RAPGEF4: variants seen among roughly 807,000 people sequenced by gnomAD.
RAPGEF4 encodes the protein RAP guanine-nucleotide-exchange factor (GEF) 4.
RAPGEF4 carries 66 observed loss-of-function variants against 147.9 expected under a neutral mutation model. That is an observed-to-expected ratio of 0.45 (90% CI 0.37 to 0.55). The LOEUF (loss-of-function observed/expected upper bound fraction) is 0.55. Among genes scored for constraint, RAPGEF4 ranks in the 20% least tolerant of loss-of-function variants. The pLI is 0.00. For missense variants in RAPGEF4, 1,071 were observed against 1,257.3 expected (o/e 0.85, Z 2.24); for synonymous variants, 419 against 442.7 (o/e 0.95, Z 0.67).
chr2:173,040,449 G>A (rs550991301), intron 29 of RAPGEF4, among the ~76,000 whole-genome samples: 1 of 152,260 alleles, frequency 6.6e-6, no homozygotes, highest in East Asian at 1.9e-4. Context: ...GTCATCCATC[G>A]TCAAGGCCCA....
Position 172,922,287 on chromosome 2 carries a change from C to G in RAPGEF4, c.524C>G (p.Pro175Arg). Reference sequence around the variant, plus strand: ...TCTCTTTTTCCTCCTTTAGGGATTCCTGACAAGGAGAACGTGAGTAGCTAC... The same window carrying G: ...TCTCTTTTTCCTCCTTTAGGGATTCGTGACAAGGAGAACGTGAGTAGCTAC... ...METGSNNDRI[P>R]DKENTPLIEP... The change falls in exon 6 of 31, where the codon CCT becomes CGT. Residue 175 changes from proline (P) to arginine (R), a missense_variant. By Grantham distance (103) the Pro-to-Arg change is moderately radical. Transcript: ENST00000397081. 6.2e-7 allele frequency: 1 copy of G among 1,607,094 alleles called. No individual in the cohort carries two copies. The highest frequency in any genetic ancestry group is 8.5e-7 in the Non-Finnish European group (1 of 1,173,724).
At chr2:172,832,380 G>A (rs1322349152) in intron 4 of RAPGEF4, among the ~76,000 whole-genome samples, 3 of 152,140 alleles carry the variant, frequency 2.0e-5, no homozygotes, top group Non-Finnish European at 4.4e-5. Flanking sequence ...TACATAATTT[G>A]TGGGGCCCAG....
In RAPGEF4 at chr2:172,990,851, A is replaced by G. The variant is rs1692762379; in HGVS notation, c.1416A>G (p.Gln472=). The change falls in exon 15 of 31, where the codon CAA becomes CAG. Residue 472 remains glutamine, a synonymous_variant. Transcript: ENST00000397081. ...CAGTCAGACTTAAAGAACATGACCA[A>G]GATGTCTTGGTGCTGGAGAAGGTCC... The part of the protein sequence containing the change: ...ANTVRLKEHD[Q]DVLVLEKVPA... 15 of 1,613,990 alleles carry G rather than the reference A, an allele frequency of 9.3e-6. No homozygotes were observed. Among genetic ancestry groups the G allele is most frequent in the Non-Finnish European group, 1.3e-5 (15 of 1,179,990 alleles).
At chr2:172,875,786 A>G (rs1024033364) in intron 4 of RAPGEF4, among the ~76,000 whole-genome samples, 4 of 152,214 alleles carry the variant, frequency 2.6e-5, no homozygotes, top group Non-Finnish European at 5.9e-5. Context: ...GAAGAAAGTC[A>G]TTGATGTAGC....
chr2:172,869,778 T>A (rs1011622698), intron 4 of RAPGEF4, among the ~76,000 whole-genome samples: 11 of 152,194 alleles, frequency 7.2e-5, no homozygotes, highest in Non-Finnish European at 1.6e-4. Context: ...CACATACGCA[T>A]TTGGAGGGCA....
rs888664996 is a variant in RAPGEF4, at chr2:172,906,507, A to G, written c.445-11295A>G. ...GCCAAGGGGTTTCAGACATATCCCC[A>G]GGGAGCTTCTGATGCTTTCGCTACA... On this transcript the variant is annotated intron_variant, in intron 4 of 30. Coordinates refer to ENST00000397081, the MANE Select transcript of RAPGEF4 (RefSeq NM_007023.4). 5.3e-5 allele frequency among the ~76,000 whole-genome samples: 8 copies of G among 152,354 alleles called. No individual in the cohort carries two copies. In the Middle Eastern group the frequency reaches 0.014, roughly 261 times the overall value.
At chr2:172,872,267 T>C (rs1402345832) in intron 4 of RAPGEF4, among the ~76,000 whole-genome samples, 1 of 152,214 alleles carries the variant, frequency 6.6e-6, no homozygotes, top group Non-Finnish European at 1.5e-5. Flanking sequence ...CAGAGGCTTA[T>C]CTGTGACGAA....
chr2:172,780,758 C>T (rs1684608906), intron 1 of RAPGEF4, among the ~76,000 whole-genome samples: 2 of 152,006 alleles, frequency 1.3e-5, no homozygotes, highest in African/African-American at 4.8e-5. Context: ...TTATTTATAT[C>T]CACATATAAA....
rs561474055 is a variant in RAPGEF4, at chr2:172,939,860, C to T, written c.537+17560C>T. Among the ~76,000 whole-genome samples, 7 of 151,914 alleles carry T rather than the reference C, an allele frequency of 4.6e-5. No homozygotes were observed. In the East Asian group the frequency reaches 1.4e-3, roughly 29 times the overall value. On this transcript the variant is annotated intron_variant, in intron 6 of 30. Transcript: ENST00000397081. Reference sequence around the variant, plus strand: ...TAGCATATGGGCCATCCAGTTTTTCCAGCTCCATTTCTTGAAAAGACTGTC... The same window carrying T: ...TAGCATATGGGCCATCCAGTTTTTCTAGCTCCATTTCTTGAAAAGACTGTC...
chr2:172,996,468 A>G lies in RAPGEF4; in HGVS notation c.1493A>G (p.Tyr498Cys). 6.4e-7 allele frequency: 1 copy of G among 1,553,554 alleles called. No homozygotes were observed. Among genetic ancestry groups the G allele is most frequent in the Non-Finnish European group, 8.7e-7 (1 of 1,153,886 alleles). Residue 498 changes from tyrosine to cysteine, a missense_variant and splice_region_variant, in exon 16 of 31, where the codon TAT (tyrosine) becomes TGT (cysteine). Tyr to Cys is a radical substitution (Grantham distance 194). Coordinates refer to ENST00000397081, the MANE Select transcript of RAPGEF4 (RefSeq NM_007023.4). Reference sequence around the variant, plus strand: ...TGGCATTTTTGTTTCTTATCCAGGTATACTGTGATGTCAGGAACACCTGAA... The same window carrying G: ...TGGCATTTTTGTTTCTTATCCAGGTGTACTGTGATGTCAGGAACACCTGAA... ...NQGNSQPQQKYTVMSGTPEKI... is the reference protein window; with the variant it reads ...NQGNSQPQQKCTVMSGTPEKI...
intron 4 of RAPGEF4, among the ~76,000 whole-genome samples, chr2:172,895,045 G>A (rs902254724): frequency 6.6e-6 from 1 of 152,042 alleles, no homozygotes; most frequent in Non-Finnish European, 1.5e-5. Context: ...ATAGCTTCTG[G>A]TGTGTGAGGG....
At chr2:172,741,979 A>G (rs563950722) in intron 1 of RAPGEF4, among the ~76,000 whole-genome samples, 72 of 152,220 alleles carry the variant, frequency 4.7e-4, no homozygotes, top group Admixed American at 1.4e-3. Context: ...AGCCAGTATG[A>G]TCTGTGCCAC....
At position 172,878,547 on chromosome 2, in the gene RAPGEF4, A is replaced by G. The variant is rs375744213; in HGVS notation, c.445-39255A>G. Among the ~76,000 whole-genome samples the G allele has an allele frequency of 3.3e-3, 497 of 152,324 alleles. 2 individuals are homozygous for G. Among genetic ancestry groups the G allele is most frequent in the African/African-American group, 0.011 (464 of 41,578 alleles). Reference sequence around the variant, plus strand: ...AAGTTTGTTAAAAATTGTCGGGAAGAAGCTCAGGAAAGGGACAGCATATTT... The same window carrying G: ...AAGTTTGTTAAAAATTGTCGGGAAGGAGCTCAGGAAAGGGACAGCATATTT... On this transcript the variant is annotated intron_variant, in intron 4 of 30. Coordinates refer to ENST00000397081, the MANE Select transcript of RAPGEF4 (RefSeq NM_007023.4).
chr2:172,787,476 GA>G (rs1418231489), intron 1 of RAPGEF4, among the ~76,000 whole-genome samples: 1 of 151,436 alleles, frequency 6.6e-6, no homozygotes, highest in Non-Finnish European at 1.5e-5. Flanking sequence ...ATGAGAAGAA[GA>G]AAAAAACAAA....
intron 6 of RAPGEF4, among the ~76,000 whole-genome samples, chr2:172,948,458 C>T (rs1274514020): frequency 6.6e-5 from 10 of 152,096 alleles, no homozygotes; most frequent in Admixed American, 6.5e-4. Context: ...AGCCTCAAAA[C>T]TGGTTTTGTG....
At position 172,784,250 on chromosome 2, in the gene RAPGEF4, G is replaced by A. The variant is rs1021049133; in HGVS notation, c.66-10775G>A. ...AAATGATTCCTGAGCCTGGAGCGGT[G>A]GCTCACGCCTGTAATCCCAGCACTT... is the stretch of plus-strand genomic sequence containing the variant. On this transcript the variant is annotated intron_variant, in intron 1 of 30. Transcript: ENST00000397081. 2.0e-5 allele frequency among the ~76,000 whole-genome samples: 3 copies of A among 152,268 alleles called. No homozygotes were observed. The South Asian group carries it at 6.2e-4, about 32-fold the overall frequency.
chr2:172,825,302 T>C (rs1689545517), intron 4 of RAPGEF4, among the ~76,000 whole-genome samples: 1 of 152,254 alleles, frequency 6.6e-6, no homozygotes, highest in South Asian at 2.1e-4. Context: ...ATTCATTGAA[T>C]ACTGTACTAA....
intron 1 of RAPGEF4, 119 bp downstream of exon 1, chr2:172,736,167 G>A: frequency 4.1e-6 from 3 of 728,516 alleles, no homozygotes; most frequent in Non-Finnish European, 5.7e-6. Context: ...CGGGGTCCCC[G>A]AGCGGGGGAA....
intron 4 of RAPGEF4, among the ~76,000 whole-genome samples, chr2:172,838,970 T>C (rs980337858): frequency 6.6e-6 from 1 of 152,164 alleles, no homozygotes. Flanking sequence ...AAGTTCTTCT[T>C]CCCATGCATC....
Sources: gnomAD v4.1 joint callset for allele counts (sites outside exome capture counted in the v4.1 genomes callset) on GRCh38, gnomAD v4.1.1 for gene constraint, MANE v1.5 for transcripts, NCBI Gene and HGNC (gene_info 2026-07-23, HGNC 2026-07-21) for gene names.